Variants in GABRG3 observed in about 807,000 individuals in gnomAD.
GABRG3 encodes the protein gamma-aminobutyric acid receptor subunit gamma-3.
A neutral mutation model predicts 48.8 loss-of-function variants in GABRG3; 25 were observed. The ratio of observed to expected loss-of-function variants is 0.51; its 90% CI spans 0.37 to 0.72. GABRG3 has a LOEUF of 0.72. Ranked by LOEUF, GABRG3 falls within the 30% of genes least tolerant of loss-of-function variation. The pLI, the probability that GABRG3 is intolerant of heterozygous loss-of-function variation, is 0.00. For synonymous variants in GABRG3, 227 were observed against 217.6 expected, an observed-to-expected ratio of 1.04 and a Z score of -0.38; for missense variants, 394 against 577.9, an observed-to-expected ratio of 0.68 and a Z score of 3.26.
intron 5 of GABRG3, among the ~76,000 whole-genome samples, chr15:27,351,975 A>G (rs1894628948): frequency 1.7e-5 from 2 of 120,830 alleles, no homozygotes; most frequent in African/African-American, 6.4e-5. Flanking sequence ...TGTCTGTATA[A>G]TGTGTGTGTA....
At chr15:27,385,015 A>G (rs1456405019) in intron 5 of GABRG3, among the ~76,000 whole-genome samples, 1 of 152,206 alleles carries the variant, frequency 6.6e-6, no homozygotes, top group African/African-American at 2.4e-5. Flanking sequence ...CAAAAAATAT[A>G]TAGAATATTT....
At chr15:27,469,068 C>T (rs575102882) in intron 5 of GABRG3, among the ~76,000 whole-genome samples, 1 of 152,300 alleles carries the variant, frequency 6.6e-6, no homozygotes, top group East Asian at 1.9e-4. Flanking sequence ...CCATGGTTTC[C>T]AGCATCCACT....
chr15:27,004,124 G>A (rs1595466746), intron 2 of GABRG3, among the ~76,000 whole-genome samples: 1 of 150,970 alleles, frequency 6.6e-6, no homozygotes, highest in African/African-American at 2.4e-5. Flanking sequence ...CCGGGCGGGG[G>A]GCTGACCCCC....
chr15:27,434,232 A>G (rs185414848), intron 5 of GABRG3, among the ~76,000 whole-genome samples: 138 of 152,340 alleles, frequency 9.1e-4, no homozygotes, highest in Admixed American at 2.0e-3. Flanking sequence ...AGATTCATTT[A>G]GTGTGTTTTA....
At chr15:27,261,748 C>T (rs1368325541) in intron 3 of GABRG3, among the ~76,000 whole-genome samples, 3 of 152,034 alleles carry the variant, frequency 2.0e-5, no homozygotes, top group Non-Finnish European at 4.4e-5. Context: ...GGAGCAACTT[C>T]TTACCTTGCA....
In GABRG3 at chr15:27,449,247, A is replaced by G. The variant is rs953641965; in HGVS notation, c.575-31403A>G. 2.0e-5 allele frequency among the ~76,000 whole-genome samples: 3 copies of G among 152,094 alleles called. No homozygotes were observed. In the East Asian group the frequency reaches 5.8e-4, roughly 29 times the overall value. Reference sequence around the variant, plus strand: ...GCACTGGAATGTTACAGCTCCCCACACTTCCTCATGCTCCAGCCAAGCCAC... The same window carrying G: ...GCACTGGAATGTTACAGCTCCCCACGCTTCCTCATGCTCCAGCCAAGCCAC... On this transcript the variant is annotated intron_variant, in intron 5 of 9. Transcript: ENST00000615808.
intron 3 of GABRG3, among the ~76,000 whole-genome samples, chr15:27,257,758 C>T (rs1890663661): frequency 6.6e-6 from 1 of 151,958 alleles, no homozygotes; most frequent in African/African-American, 2.4e-5. Flanking sequence ...CTGCAGGGCT[C>T]CAGCCTCAGC....
At chr15:27,181,949 A>G (rs1367891350) in intron 3 of GABRG3, among the ~76,000 whole-genome samples, 2 of 150,834 alleles carry the variant, frequency 1.3e-5, no homozygotes, top group Non-Finnish European at 3.0e-5. Context: ...CATTTCTACT[A>G]TAATATAATT....
At chr15:27,113,629 G>A (rs1897592669) in intron 3 of GABRG3, among the ~76,000 whole-genome samples, 1 of 151,984 alleles carries the variant, frequency 6.6e-6, no homozygotes, top group Non-Finnish European at 1.5e-5. Context: ...TCATTGGTCA[G>A]TTCTTTATAC....
chr15:27,521,733 G>T (rs1407851470), intron 7 of GABRG3, among the ~76,000 whole-genome samples: 1 of 151,922 alleles, frequency 6.6e-6, no homozygotes, highest in Admixed American at 6.6e-5. Context: ...TCACTAACTA[G>T]ACTTAAGAGC....
chr15:26,971,838 G>A (rs893716698), intron 1 of GABRG3, among the ~76,000 whole-genome samples: 1 of 152,172 alleles, frequency 6.6e-6, no homozygotes, highest in African/African-American at 2.4e-5. Flanking sequence ...ACGCTTTTAG[G>A]ATCTGGTGGT....
At chr15:27,101,829 A>G (rs1595525991) in intron 3 of GABRG3, among the ~76,000 whole-genome samples, 1 of 146,644 alleles carries the variant, frequency 6.8e-6, no homozygotes, top group East Asian at 2.0e-4. Context: ...AACAGTAACG[A>G]TAGCTGATGA....
intron 3 of GABRG3, among the ~76,000 whole-genome samples, chr15:27,222,774 C>T (rs577807009): frequency 1.3e-5 from 2 of 152,162 alleles, no homozygotes; most frequent in East Asian, 1.9e-4. Context: ...CCAGCCATGG[C>T]GACTGCAGTG....
At chr15:27,014,575 A>T (rs1204713629) in intron 2 of GABRG3, among the ~76,000 whole-genome samples, 1 of 151,978 alleles carries the variant, frequency 6.6e-6, no homozygotes, top group East Asian at 1.9e-4. Context: ...AAATTATTCA[A>T]TTTCCATATA....
intron 5 of GABRG3, among the ~76,000 whole-genome samples, chr15:27,439,916 G>A (rs997194988): frequency 3.3e-5 from 5 of 152,240 alleles, no homozygotes; most frequent in South Asian, 2.1e-4. Flanking sequence ...ACCTTATTGC[G>A]TTCCCATGCC....
rs1311870430 is a variant in GABRG3 at position 26,971,238 on chromosome 15, G to A, written c.-298G>A. On this transcript the variant is annotated 5_prime_UTR_variant, in exon 1 of 10. In the 5' UTR this introduces an upstream ATG that the reference lacks. Transcript: ENST00000615808. Reference sequence around the variant, plus strand: ...GCGCCCGCTCGCGGCTCCAGGCGGGGTGGGCGGCGCCGCGCCAGGGGGTCC... The same window carrying A: ...GCGCCCGCTCGCGGCTCCAGGCGGGATGGGCGGCGCCGCGCCAGGGGGTCC... The A allele has an allele frequency of 6.6e-6, 1 of 151,418 alleles. No individual in the cohort carries two copies. Among genetic ancestry groups the A allele is most frequent in the Admixed American group, 6.6e-5 (1 of 15,140 alleles). The allele number at this position is 151,418 out of a possible 1,614,324, so 9.4% of individuals were successfully genotyped here.
At chr15:27,197,267 A>T (rs1216623260) in intron 3 of GABRG3, among the ~76,000 whole-genome samples, 1 of 152,184 alleles carries the variant, frequency 6.6e-6, no homozygotes, top group Non-Finnish European at 1.5e-5. Context: ...TGAAAATTCT[A>T]GACCAAAGAC....
intron 5 of GABRG3, among the ~76,000 whole-genome samples, chr15:27,451,898 T>G (rs961454490): frequency 1.3e-5 from 2 of 152,136 alleles, no homozygotes; most frequent in Non-Finnish European, 2.9e-5. Context: ...TATAAGCATA[T>G]CTGGTGGAGA....
intron 2 of GABRG3, among the ~76,000 whole-genome samples, chr15:26,996,657 T>A (rs1895346134): frequency 6.7e-6 from 1 of 150,310 alleles, no homozygotes; most frequent in South Asian, 2.1e-4. Flanking sequence ...TATTTTATTT[T>A]AATTTTTTTT....
Sources: gnomAD v4.1 joint callset for allele counts (sites outside exome capture counted in the v4.1 genomes callset) on GRCh38, gnomAD v4.1.1 for gene constraint, MANE v1.5 for transcripts, NCBI Gene and HGNC (gene_info 2026-07-23, HGNC 2026-07-21) for gene names.